TTN: variants seen among roughly 807,000 people sequenced by gnomAD.
TTN encodes the protein titin.
A neutral mutation model predicts 3,223.0 loss-of-function variants in TTN; 1,525 were observed. The observed-to-expected ratio is 0.47, with a 90% confidence interval of 0.45 to 0.49. TTN has a LOEUF of 0.49. Among genes scored for constraint, TTN ranks in the 20% least tolerant of loss-of-function variants. The probability of loss-of-function intolerance (pLI) is 0.00; values close to 1 mark genes in which losing one functional copy is unlikely to be tolerated. For missense variants in TTN, 40,786 were observed against 43,424.0 expected (o/e 0.94, Z 5.40); for synonymous variants, 14,094 against 15,161.0 (o/e 0.93, Z 5.17).
In TTN at chr2:178,540,284, C is replaced by T. The variant is rs1693781320; in HGVS notation, c.97882G>A (p.Gly32628Arg). Residue 32628 changes from glycine to arginine, a missense_variant, in exon 351 of 363, where the codon GGA (glycine) becomes AGA (arginine). Physicochemically the swap from Gly to Arg is moderately radical, Grantham distance 125. Coordinates refer to ENST00000589042, the MANE Select transcript of TTN (RefSeq NM_001267550.2). Reference sequence around the variant, plus strand: ...AAGTAGCCTGTGACTTTAGATCCTCCTTCATCTTCTGGAACACTCCAGGCC... The same window carrying T: ...AAGTAGCCTGTGACTTTAGATCCTCTTTCATCTTCTGGAACACTCCAGGCC... ...SLAWSVPEDE[G>R]GSKVTGYLIE... 3 of 1,613,798 alleles carry T rather than the reference C, an allele frequency of 1.9e-6. No homozygotes were observed. The highest frequency in any genetic ancestry group is 4.5e-5 in the East Asian group (2 of 44,862).
At position 178,730,379 on chromosome 2, in the gene TTN, G is replaced by C. The variant is rs2154308111; in HGVS notation, c.18029-8C>G. On this transcript the variant is annotated splice_polypyrimidine_tract_variant and splice_region_variant and intron_variant, in intron 61 of 362. Transcript: ENST00000589042. ...CCACAAAGTAAGGGGGTTCTGAGGT[G>C]AAAGAAAAAACAAGCAAAAGAAAAT... 6.4e-7 allele frequency: 1 copy of C among 1,564,174 alleles called. No individual in the cohort carries two copies. Among genetic ancestry groups the C allele is most frequent in the African/African-American group, 1.4e-5 (1 of 72,518 alleles).
chr2:178,563,422 T>C lies in TTN; in HGVS notation c.82710A>G (p.Pro27570=), dbSNP rs770975467. 1.9e-5 allele frequency: 31 copies of C among 1,613,456 alleles called. No homozygotes were observed. The highest frequency in any genetic ancestry group is 2.3e-5 in the Non-Finnish European group (27 of 1,179,740). The part of the protein sequence containing the change: ...VFYRACDALY[P]PGPPSNPKVT... The stretch of plus-strand genomic sequence containing the variant: ...CTTTTGGATTGCTTGGGGGACCTGG[T>C]GGATACAAGGCATCACACGCACGGT... Residue 27570 remains proline, a synonymous_variant, in exon 326 of 363, where the codon CCA becomes CCG. Transcript: ENST00000589042. The surrounding 1 kb of genome is among the most constrained non-coding windows in gnomAD (Gnocchi z 4.5).
rs1017151921 is a variant in TTN at position 178,550,437 on chromosome 2, C to G, written c.91565-164G>C. ...TAGGATTGATAATTGAGAATTTGGA[C>G]TATGGGGTTAAATATTTGCCTATTA... On this transcript the variant is annotated intron_variant, in intron 336 of 362. Transcript: ENST00000589042. The G allele has an allele frequency of 5.5e-5, 33 of 601,482 alleles. 1 individual carries two copies. The Admixed American group carries it at 9.9e-4, about 18-fold the overall frequency. 37.3% of individuals were successfully genotyped at this position (601,482 alleles called of 1,614,324 possible).
In TTN at chr2:178,571,838, T is replaced by C. The variant is rs963867892; in HGVS notation, c.74294A>G (p.Glu24765Gly). Residue 24765 changes from glutamate to glycine, a missense_variant, in exon 326 of 363, where the codon GAG becomes GGG. Glu to Gly is a moderately conservative substitution (Grantham distance 98, BLOSUM62 -2). Coordinates refer to ENST00000589042, the MANE Select transcript of TTN (RefSeq NM_001267550.2). Reference protein sequence around the residue: ...PLKQTTRVNAESTENNSLLTI... With the variant: ...PLKQTTRVNAGSTENNSLLTI... The stretch of plus-strand genomic sequence containing the variant: ...CAGTAGTGAATTATTTTCTGTGCTC[T>C]CTGCATTTACTCTAGTTGTCTGCTT... 5 of 1,613,606 alleles carry C rather than the reference T, an allele frequency of 3.1e-6. No individual in the cohort carries two copies. Among genetic ancestry groups the C allele is most frequent in the Non-Finnish European group, 4.2e-6 (5 of 1,179,618 alleles).
In TTN at chr2:178,580,245, G is replaced by A. The variant is rs201800666; in HGVS notation, c.67058-16C>T. The A allele has an allele frequency of 3.1e-4, 492 of 1,608,846 alleles. 1 individual carries two copies. The highest frequency in any genetic ancestry group is 5.2e-5 in the Non-Finnish European group (61 of 1,178,532). On this transcript the variant is annotated splice_polypyrimidine_tract_variant and intron_variant, in intron 317 of 362. Transcript: ENST00000589042. ...CCAGGAGTATCTGGATAAATAGTAGGTAAATAAGAAATGAATGTGTAAAAA... is the reference window on the plus strand; with the variant it reads ...CCAGGAGTATCTGGATAAATAGTAGATAAATAAGAAATGAATGTGTAAAAA...
chr2:178,693,294 A>G (rs917413519), intron 119 of TTN, among the ~76,000 whole-genome samples: 27 of 152,146 alleles, frequency 1.8e-4, no homozygotes, highest in African/African-American at 5.6e-4. Flanking sequence ...CTGACTGGCA[A>G]AATTCCTGAA....
Position 178,735,800 on chromosome 2 carries a change from C to A in TTN, c.14646G>T (p.Leu4882Phe), listed in dbSNP as rs1197344089. 2 of 1,613,710 alleles carry A rather than the reference C, an allele frequency of 1.2e-6. No homozygotes were observed. Among genetic ancestry groups the A allele is most frequent in the Admixed American group, 1.7e-5 (1 of 59,994 alleles). ...TGAAATGTGGCTTATCAATGATGAT[C>A]AACTCTGCTTGGCAGATGTCTGCTC... is the stretch of plus-strand genomic sequence containing the variant. The part of the protein sequence containing the change: ...KFGADICQAE[L>F]IIIDKPHFIK... The change falls in exon 50 of 363, where the codon TTG (leucine) becomes TTT (phenylalanine). Residue 4882 changes from leucine to phenylalanine, a missense_variant. Coordinates refer to ENST00000589042, the MANE Select transcript of TTN (RefSeq NM_001267550.2).
At position 178,666,912 on chromosome 2, in the gene TTN, A is replaced by G; in HGVS notation, c.35798-11T>C. On this transcript the variant is annotated splice_polypyrimidine_tract_variant and intron_variant, in intron 162 of 362. Coordinates refer to ENST00000589042, the MANE Select transcript of TTN (RefSeq NM_001267550.2). ...TGAAGACTTCAAACTCTTTAAAGAT[A>G]TTAGTATTTTTTTTAATTGAGAAAA... The G allele has an allele frequency of 6.6e-7, 1 of 1,522,426 alleles. No homozygotes were observed. Among genetic ancestry groups the G allele is most frequent in the Non-Finnish European group, 8.8e-7 (1 of 1,138,046 alleles). The allele number at this position is 1,522,426 out of a possible 1,614,324, so 94.3% of individuals were successfully genotyped here.
rs1232772786 is a variant in TTN, at chr2:178,727,147, A to G, written c.20218T>C (p.Cys6740Arg). 2.5e-6 allele frequency: 4 copies of G among 1,605,942 alleles called. No individual in the cohort carries two copies. In the South Asian group the frequency reaches 3.3e-5, roughly 13 times the overall value. Residue 6740 changes from cysteine (C) to arginine (R), a missense_variant, in exon 69 of 363, where the codon TGT becomes CGT. Transcript: ENST00000589042. ...CTGCCAGCGGGATTCTGAGCCTCAC[A>G]AATGAAATCTCCACTGTCCTCAGTA... ...LSTEDSGDFI[C>R]EAQNPAGSTS...
chr2:178,549,949 C>A, intron 337 of TTN, 37 bp downstream of exon 337: 1 of 1,568,718 alleles, frequency 6.4e-7, no homozygotes, highest in South Asian at 1.2e-5. Flanking sequence ...AATCCAAGTT[C>A]ATAAATTGTA....
chr2:178,591,718 T>C lies in TTN; in HGVS notation c.60101A>G (p.Glu20034Gly). 6.2e-7 allele frequency: 1 copy of C among 1,613,372 alleles called. No homozygotes were observed. The highest frequency in any genetic ancestry group is 8.5e-7 in the Non-Finnish European group (1 of 1,179,542). ...TTGTTGTAGTCCAGTAACCACACAC[T>C]CTAAGTTTGTCACAGTCTTAAATTT... ...WIKFKTVTNL[E>G]CVVTGLQQGK... Residue 20034 changes from glutamate to glycine, a missense_variant, in exon 303 of 363, where the codon GAG becomes GGG. Transcript: ENST00000589042.
rs1695786003 is a variant in TTN, at chr2:178,543,836, T to C, written c.96308A>G (p.Tyr32103Cys). The C allele has an allele frequency of 1.2e-6, 2 of 1,613,336 alleles. No individual in the cohort carries two copies. Among genetic ancestry groups the C allele is most frequent in the African/African-American group, 2.7e-5 (2 of 74,924 alleles). Reference sequence around the variant, plus strand: ...CCAATTTTAAGTAAAATGCTTACCATAGACTTTAACAAGGACTGTTGCTGA... The same window carrying C: ...CCAATTTTAAGTAAAATGCTTACCACAGACTTTAACAAGGACTGTTGCTGA... The part of the protein sequence containing the change: ...KKSATVLVKV[Y>C]DTPGPCPSVK... The change falls in exon 346 of 363, where the codon TAT (tyrosine) becomes TGT (cysteine). Residue 32103 changes from tyrosine to cysteine, a missense_variant and splice_region_variant. Tyr to Cys is a radical substitution (Grantham distance 194). Transcript: ENST00000589042.
In TTN at chr2:178,574,933, T is replaced by C; in HGVS notation, c.71199A>G (p.Pro23733=). 2 of 1,613,018 alleles carry C rather than the reference T, an allele frequency of 1.2e-6. No individual in the cohort carries two copies. The highest frequency in any genetic ancestry group is 4.5e-5 in the East Asian group (2 of 44,604). Residue 23733 remains proline (P), a synonymous_variant, in exon 326 of 363, where the codon CCA becomes CCG. Coordinates refer to ENST00000589042, the MANE Select transcript of TTN (RefSeq NM_001267550.2). ...CAGATGAAACTTCATCAAATTTGATTGGTCCAGTAGGTGGCCCTGGGATAT... is the reference window on the plus strand; with the variant it reads ...CAGATGAAACTTCATCAAATTTGATCGGTCCAGTAGGTGGCCCTGGGATAT... The part of the protein sequence containing the change: ...VHDIPGPPTG[P]IKFDEVSSDF...
chr2:178,644,787 G>A, intron 217 of TTN, 171 bp from the exon 218 acceptor site: 1 of 506,292 alleles, frequency 2.0e-6, no homozygotes, highest in South Asian at 3.2e-5. Flanking sequence ...CATGAAAACA[G>A]ACTGCAGTTT....
At position 178,588,176 on chromosome 2, in the gene TTN, GGTT is replaced by G. The variant is rs2049451811; in HGVS notation, c.63228_63230del (p.Thr21077del). The G allele has an allele frequency of 6.3e-7, 1 of 1,599,678 alleles. No homozygotes were observed. The highest frequency in any genetic ancestry group is 1.1e-5 in the South Asian group (1 of 89,764). Reference sequence around the variant, plus strand: ...CCCACCCAAGAGTTATGGAATGTTTGGTTGTATCAACCACTCTGAAATTGGTTG... The same window carrying G: ...CCCACCCAAGAGTTATGGAATGTTTGGTATCAACCACTCTGAAATTGGTTG... On this transcript the variant is annotated inframe_deletion, in exon 305 of 363. Coordinates refer to ENST00000589042, the MANE Select transcript of TTN (RefSeq NM_001267550.2).
At chr2:178,682,931 C>T in intron 134 of TTN, 28 bp from the exon 135 acceptor site, 1 of 1,553,064 alleles carries the variant, frequency 6.4e-7, no homozygotes, top group Non-Finnish European at 8.7e-7. Context: ...ACAGGCAGCA[C>T]TTTACTTTAA....
chr2:178,706,814 A>G (rs1485256739), intron 101 of TTN, 48 bp downstream of exon 101: 1 of 1,600,830 alleles, frequency 6.2e-7, no homozygotes, highest in Admixed American at 1.7e-5. Context: ...AATCATAAGT[A>G]AAAGGTATAA....
Position 178,598,532 on chromosome 2 carries a change from C to T in TTN, c.57085G>A (p.Glu19029Lys). ...TTTTCCCATTCTTCTTTTCCTTCTT[C>T]TTTATATTCAACGATGTATCCAGTT... ...KVTGYIVEYK[E>K]EGKEEWEKGK... Residue 19029 changes from glutamate (E) to lysine (K), a missense_variant, in exon 292 of 363, where the codon GAA becomes AAA. Glu to Lys is a moderately conservative substitution (Grantham distance 56). Transcript: ENST00000589042. 1.2e-6 allele frequency: 2 copies of T among 1,608,638 alleles called. No homozygotes were observed. The highest frequency in any genetic ancestry group is 1.1e-5 in the South Asian group (1 of 89,394).
At chr2:178,544,863 C>G (rs1442764522) in intron 344 of TTN, among the ~76,000 whole-genome samples, 1 of 152,178 alleles carries the variant, frequency 6.6e-6, no homozygotes, top group African/African-American at 2.4e-5. Context: ...GCCACCAATA[C>G]ATTTCTAATG....
Sources: allele counts gnomAD v4.1 joint callset (sites outside exome capture counted in the v4.1 genomes callset), GRCh38; gene constraint gnomAD v4.1.1; non-coding constraint Gnocchi (gnomAD v3.1); transcripts MANE v1.5; gene names NCBI Gene and HGNC (gene_info 2026-07-23, HGNC 2026-07-21).